The following LSM7 variants were observed in gnomAD, a reference collection of about 807,000 sequenced individuals.
LSM7 encodes LSM7 homolog, U6 small nuclear RNA and mRNA degradation associated.
In LSM7, 13 loss-of-function variants were observed where a neutral mutation model predicts 14.1. That is an observed-to-expected ratio of 0.92 (90% CI 0.60 to 1.47). LSM7 has a LOEUF of 1.47. Among genes scored for constraint, LSM7 ranks in the 40% most tolerant of loss-of-function variants. LSM7 has a pLI of 0.00. For synonymous variants in LSM7, 70 were observed against 57.1 expected, an observed-to-expected ratio of 1.23 and a Z score of -1.02; for missense variants, 108 against 140.8, an observed-to-expected ratio of 0.77 and a Z score of 1.18.
chr19:2,327,600 C>A (rs543159117), intron 2 of LSM7, among the ~76,000 whole-genome samples: 1 of 152,108 alleles, frequency 6.6e-6, no homozygotes, highest in African/African-American at 2.4e-5. Context: ...TGCAGTGGTG[C>A]GGTCATAGCT....
Position 2,328,359 on chromosome 19 carries a change from G to A in LSM7, c.97+28C>T, listed in dbSNP as rs768257012. The A allele has an allele frequency of 2.9e-5, 46 of 1,599,474 alleles. No homozygotes were observed. In the Middle Eastern group the frequency reaches 1.2e-3, roughly 40 times the overall value. On this transcript the variant is annotated intron_variant, in intron 2 of 3. Coordinates refer to ENST00000252622, the MANE Select transcript of LSM7 (RefSeq NM_016199.3). ...GGGTTTATTTGAAATTTTTAAAGAG[G>A]GGGTACCGACAGCGGGAGCCTCCTC...
intron 3 of LSM7, among the ~76,000 whole-genome samples, chr19:2,323,907 G>T (rs866780658): frequency 6.6e-6 from 1 of 152,202 alleles, no homozygotes; most frequent in African/African-American, 2.4e-5. Context: ...TTCCTGCTTT[G>T]TGAGGACGTC....
At chr19:2,324,709 C>G (rs1466109275) in intron 2 of LSM7, 1 of 167,018 alleles carries the variant, frequency 6.0e-6, no homozygotes, top group African/African-American at 2.4e-5. Flanking sequence ...GAGGCTGGCG[C>G]AGGCCACAGC....
In LSM7 at chr19:2,323,716, C is replaced by T. The variant is rs545494727; in HGVS notation, c.169+409G>A. Among the ~76,000 whole-genome samples, 34 of 152,236 alleles carry T rather than the reference C, an allele frequency of 2.2e-4. No individual in the cohort carries two copies. In the East Asian group the frequency reaches 6.2e-3, roughly 28 times the overall value. On this transcript the variant is annotated intron_variant, in intron 3 of 3. Transcript: ENST00000252622. ...ATCCTCCTGCCTTGGCCTCCCAAAG[C>T]GCTGGGATTATAGGTGTGAGCCATT...
At chr19:2,328,345 A>C in intron 2 of LSM7, 42 bp downstream of exon 2, 7 of 1,562,932 alleles carry the variant, frequency 4.5e-6, no homozygotes, top group Non-Finnish European at 6.2e-6. Flanking sequence ...GGTTTATTTG[A>C]AATTTTTAAA....
Position 2,321,944 on chromosome 19 carries a change from G to C in LSM7, c.170-122C>G. Reference sequence around the variant, plus strand: ...CCCTGCAGGCGCCACGAGCACGCAGGGACCTCAGACGGGATGCGCTCTGTG... The same window carrying C: ...CCCTGCAGGCGCCACGAGCACGCAGCGACCTCAGACGGGATGCGCTCTGTG... On this transcript the variant is annotated intron_variant, in intron 3 of 3. Transcript: ENST00000252622. The surrounding 1 kb of genome is among the most constrained non-coding windows in gnomAD (Gnocchi z 5.0). 1 of 940,440 alleles carries C rather than the reference G, an allele frequency of 1.1e-6. No individual in the cohort carries two copies. The highest frequency in any genetic ancestry group is 1.4e-6 in the Non-Finnish European group (1 of 697,170). The allele number at this position is 940,440 out of a possible 1,614,324, so 58.3% of individuals were successfully genotyped here. A position where few individuals can be genotyped will look rare whatever the true frequency, so the allele number is the denominator to read the frequency against.
intron 3 of LSM7, 103 bp downstream of exon 3, chr19:2,324,022 C>T (rs1450992564): frequency 1.1e-6 from 1 of 921,152 alleles, no homozygotes; most frequent in Non-Finnish European, 1.6e-6. Flanking sequence ...GCAGGGAGCC[C>T]CACGGCTGCC....
At chr19:2,326,128 G>C (rs2145125288) in intron 2 of LSM7, 1 of 152,360 alleles carries the variant, frequency 6.6e-6, no homozygotes, top group East Asian at 1.9e-4. Flanking sequence ...GTGTGGGCTA[G>C]GGCCTGTGAC....
At chr19:2,324,530 C>T (rs113170186) in intron 2 of LSM7, 19 of 367,930 alleles carry the variant, frequency 5.2e-5, no homozygotes, top group African/African-American at 3.2e-4. Context: ...CAGCTCTACT[C>T]ACAGGCACTG....
chr19:2,325,667 G>A (rs1350189416), intron 2 of LSM7, among the ~76,000 whole-genome samples: 4 of 152,136 alleles, frequency 2.6e-5, no homozygotes, highest in Admixed American at 2.0e-4. Flanking sequence ...TGCGGGGGAG[G>A]GTCTGCAAAC....
intron 2 of LSM7, 90 bp downstream of exon 2, chr19:2,328,297 A>C: frequency 9.4e-7 from 1 of 1,059,524 alleles, no homozygotes; most frequent in Non-Finnish European, 1.4e-6. Context: ...TAAATAAAAG[A>C]GGTGCTTCCG....
intron 3 of LSM7, 50 bp downstream of exon 3, chr19:2,324,075 C>T: frequency 1.5e-6 from 2 of 1,324,678 alleles, no homozygotes; most frequent in Non-Finnish European, 2.1e-6. Context: ...CCCCCCTCAC[C>T]CCACTATCCC....
chr19:2,323,514 C>G (rs917985459), intron 3 of LSM7, among the ~76,000 whole-genome samples: 9 of 152,200 alleles, frequency 5.9e-5, no homozygotes, highest in Admixed American at 3.3e-4. Flanking sequence ...GCAGTTGCAC[C>G]ATCTCGGCTC....
intron 2 of LSM7, among the ~76,000 whole-genome samples, chr19:2,326,364 T>TG (rs1296458216): frequency 2.1e-4 from 23 of 111,194 alleles, no homozygotes; most frequent in Middle Eastern, 5.9e-3. Context: ...GTGTTTGAGA[T>TG]GGAGTCTTGC....
chr19:2,323,474 G>T (rs1021248780), intron 3 of LSM7, among the ~76,000 whole-genome samples: 1 of 151,998 alleles, frequency 6.6e-6, no homozygotes, highest in South Asian at 2.1e-4. Context: ...TTTTTGAGAC[G>T]GAGTCTCACT....
At chr19:2,326,140 C>CT (rs1247081100) in intron 2 of LSM7, 1 of 152,250 alleles carries the variant, frequency 6.6e-6, no homozygotes, top group East Asian at 1.9e-4. Context: ...GCCTGTGACT[C>CT]TGACGGGACA....
At chr19:2,328,298 G>A in intron 2 of LSM7, 89 bp downstream of exon 2, 1 of 1,081,424 alleles carries the variant, frequency 9.2e-7, no homozygotes, top group South Asian at 1.4e-5. Flanking sequence ...AAATAAAAGA[G>A]GTGCTTCCGC....
rs1227621930 is a variant in LSM7 at position 2,321,866 on chromosome 19, C to G, written c.170-44G>C. On this transcript the variant is annotated intron_variant, in intron 3 of 3. Coordinates refer to ENST00000252622, the MANE Select transcript of LSM7 (RefSeq NM_016199.3). This position sits in a 1 kb window ranked among gnomAD's most constrained non-coding sequence, Gnocchi z 5.0. ...AGAGGACTGAGGGACCTCCAGGAAG[C>G]CTCCGAGACCCCCCACCCACCCAAG... The G allele has an allele frequency of 2.9e-6, 4 of 1,363,242 alleles. No homozygotes were observed. The highest frequency in any genetic ancestry group is 3.0e-5 in the East Asian group (1 of 33,084). The allele number at this position is 1,363,242 out of a possible 1,614,324, so 84.4% of individuals were successfully genotyped here.
At position 2,328,548 on chromosome 19, in the gene LSM7, G is replaced by A; in HGVS notation, c.6+13C>T. ...TCCACGCCCCCCGGCTCCAGATTCC[G>A]CCGCGCGCTCACCGCCATCTTGTCG... On this transcript the variant is annotated intron_variant, in intron 1 of 3. Coordinates refer to ENST00000252622, the MANE Select transcript of LSM7 (RefSeq NM_016199.3). 2 of 1,597,928 alleles carry A rather than the reference G, an allele frequency of 1.3e-6. No homozygotes were observed. The highest frequency in any genetic ancestry group is 2.3e-5 in the East Asian group (1 of 44,204).
Sources: gnomAD v4.1 joint callset for allele counts (sites outside exome capture counted in the v4.1 genomes callset) on GRCh38, gnomAD v4.1.1 for gene constraint, Gnocchi (gnomAD v3.1) non-coding constraint, MANE v1.5 for transcripts, NCBI Gene and HGNC (gene_info 2026-07-23, HGNC 2026-07-21) for gene names.